The following MORF4L1 variants were observed in gnomAD, a reference collection of about 807,000 sequenced individuals.
MORF4L1 encodes mortality factor 4-like protein 1.
MORF4L1 carries 4 observed loss-of-function variants against 52.9 expected under a neutral mutation model. The observed-to-expected ratio is 0.08, with a 90% CI of 0.04 to 0.17. The LOEUF is 0.17. MORF4L1 is among the 10% of genes least tolerant of loss of function. The pLI, the probability that MORF4L1 is intolerant of heterozygous loss-of-function variation, is 1.00. For missense variants in MORF4L1, 214 were observed against 390.4 expected (o/e 0.55, Z 3.81); for synonymous variants, 123 against 134.8 (o/e 0.91, Z 0.61).
At chr15:78,884,527 T>G (rs899312653) in intron 3 of MORF4L1, among the ~76,000 whole-genome samples, 1 of 151,260 alleles carries the variant, frequency 6.6e-6, no homozygotes, top group Non-Finnish European at 1.5e-5. Context: ...TAATCCCAAT[T>G]ACTCAGGAGG....
intron 3 of MORF4L1, 52 bp downstream of exon 3, chr15:78,880,631 C>A: frequency 1.5e-6 from 2 of 1,333,276 alleles, no homozygotes; most frequent in South Asian, 1.3e-5. Flanking sequence ...TAGCTTGTGT[C>A]ACTGACTGGC....
intron 1 of MORF4L1, among the ~76,000 whole-genome samples, chr15:78,877,215 G>T (rs2056511762): frequency 6.7e-6 from 1 of 149,470 alleles, no homozygotes; most frequent in Non-Finnish European, 1.5e-5. Context: ...CCACCTCCCG[G>T]GTTCAAGCGA....
At chr15:78,884,952 T>TTA in intron 3 of MORF4L1, 1 of 1,598,486 alleles carries the variant, frequency 6.3e-7, no homozygotes, top group East Asian at 2.2e-5. Context: ...CTTTGTACTA[T>TTA]GCTGTCTGTA....
chr15:78,877,691 C>G (rs1191317522), intron 1 of MORF4L1: 3 of 152,252 alleles, frequency 2.0e-5, no homozygotes, highest in Non-Finnish European at 2.9e-5. Context: ...CAACTTAGCA[C>G]CTAGAACATC....
chr15:78,873,108 G>A, intron 1 of MORF4L1, 51 bp downstream of exon 1: 1 of 1,547,608 alleles, frequency 6.5e-7, no homozygotes, highest in East Asian at 2.5e-5. Flanking sequence ...GGAGATAGAG[G>A]CGGGCTCGAG....
At chr15:78,896,315 T>C (rs866900285) in intron 11 of MORF4L1, among the ~76,000 whole-genome samples, 7,067 of 135,538 alleles carry the variant, frequency 0.052, 110 homozygotes, top group Middle Eastern at 0.092. Context: ...TTTCTTTTTT[T>C]TTTTTTTTTT....
At chr15:78,882,129 G>A (rs1472515321) in intron 3 of MORF4L1, among the ~76,000 whole-genome samples, 1 of 152,204 alleles carries the variant, frequency 6.6e-6, no homozygotes, top group African/African-American at 2.4e-5. Context: ...CTGACAACTT[G>A]TGGGTATTTT....
chr15:78,879,013 A>C (rs1367304776), intron 2 of MORF4L1, among the ~76,000 whole-genome samples: 1 of 151,294 alleles, frequency 6.6e-6, no homozygotes, highest in African/African-American at 2.4e-5. Context: ...ATTTCTGACT[A>C]AATATTAGCC....
intron 11 of MORF4L1, among the ~76,000 whole-genome samples, chr15:78,896,308 C>CTTTTTTTTTTTTTT (rs71148578): frequency 1.1e-4 from 9 of 81,434 alleles, no homozygotes; most frequent in East Asian, 7.5e-4. Context: ...CTTTTCTTTT[C>CTTTTTTTTTTTTTT]TTTTTTTTTT....
chr15:78,882,224 G>A (rs2056615823), intron 3 of MORF4L1, among the ~76,000 whole-genome samples: 1 of 152,216 alleles, frequency 6.6e-6, no homozygotes, highest in Non-Finnish European at 1.5e-5. Context: ...GCTGAGGCAG[G>A]AGGATTACTT....
Position 78,880,526 on chromosome 15 carries a change from C to T in MORF4L1, c.102C>T (p.Ala34=), listed in dbSNP as rs1475483257. 1 of 1,600,258 alleles carries T rather than the reference C, an allele frequency of 6.2e-7. No homozygotes were observed. The highest frequency in any genetic ancestry group is 1.1e-5 in the South Asian group (1 of 87,942). The change falls in exon 3 of 12, where the codon GCC becomes GCT. Residue 34 remains alanine, a synonymous_variant. Transcript: ENST00000426013. The part of the protein sequence containing the change: ...LLYEAKCVKV[A]IKDKQVKYFI... ...TTGAATTTCAGTGTGTAAAGGTTGC[C>T]ATAAAGGACAAACAAGTGAAATACT...
chr15:78,880,897 A>G (rs1427540557), intron 3 of MORF4L1, among the ~76,000 whole-genome samples: 3 of 147,774 alleles, frequency 2.0e-5, no homozygotes, highest in African/African-American at 7.4e-5. Flanking sequence ...GTTTTGGTAC[A>G]TTTTTAGGAT....
At chr15:78,896,286 T>A (rs954171700) in intron 11 of MORF4L1, among the ~76,000 whole-genome samples, 1 of 149,970 alleles carries the variant, frequency 6.7e-6, no homozygotes, top group Non-Finnish European at 1.5e-5. Context: ...TGATAGGATT[T>A]TTTTCTTTTT....
At chr15:78,873,316 T>G (rs2056405687) in intron 1 of MORF4L1, 2 of 1,144,920 alleles carry the variant, frequency 1.7e-6, no homozygotes, top group Admixed American at 3.5e-5. Flanking sequence ...CCTCGTCAAG[T>G]GTTTGTTATT....
intron 3 of MORF4L1, among the ~76,000 whole-genome samples, chr15:78,883,221 A>G (rs1228880302): frequency 6.6e-6 from 1 of 152,034 alleles, no homozygotes; most frequent in Non-Finnish European, 1.5e-5. Flanking sequence ...GAAAAAAAAA[A>G]AAAAAGCGAT....
At chr15:78,873,339 A>G (rs1485633924) in intron 1 of MORF4L1, 6 of 837,934 alleles carry the variant, frequency 7.2e-6, no homozygotes, top group Non-Finnish European at 9.4e-6. Context: ...TCTGAGGAAG[A>G]GGGCGCGGAG....
Position 78,897,087 on chromosome 15 carries a change from A to G in MORF4L1, c.*20A>G, listed in dbSNP as rs911186259. 8.2e-6 allele frequency: 13 copies of G among 1,585,332 alleles called. No individual in the cohort carries two copies. The highest frequency in any genetic ancestry group is 1.1e-5 in the South Asian group (1 of 90,344). On this transcript the variant is annotated 3_prime_UTR_variant, in exon 12 of 12. Coordinates refer to ENST00000426013, the MANE Select transcript of MORF4L1 (RefSeq NM_006791.4). Reference sequence around the variant, plus strand: ...GTGTGAGAGGCACTCTCACTCACTTATGTTTGGATCTCCGTAAACACATTT... The same window carrying G: ...GTGTGAGAGGCACTCTCACTCACTTGTGTTTGGATCTCCGTAAACACATTT...
chr15:78,878,994 G>A (rs2056547894), intron 2 of MORF4L1, among the ~76,000 whole-genome samples: 1 of 151,992 alleles, frequency 6.6e-6, no homozygotes, highest in Non-Finnish European at 1.5e-5. Context: ...TAGCCTTAAA[G>A]TGTCAGACAT....
At chr15:78,876,372 CT>C (rs2056491409) in intron 1 of MORF4L1, 1 of 336,688 alleles carries the variant, frequency 3.0e-6, no homozygotes, top group African/African-American at 2.2e-5. Context: ...ATAGTGATTG[CT>C]TTGCACTGGA....
Sources: gnomAD v4.1 joint callset for allele counts (sites outside exome capture counted in the v4.1 genomes callset) on GRCh38, gnomAD v4.1.1 for gene constraint, MANE v1.5 for transcripts, NCBI Gene and HGNC (gene_info 2026-07-23, HGNC 2026-07-21) for gene names.